The following MAF variants were observed in gnomAD, a reference collection of about 807,000 sequenced individuals.
The protein encoded by MAF is transcription factor Maf.
Under a neutral mutation model 22.0 loss-of-function variants are expected in MAF, and 10 were observed. That is an observed-to-expected ratio of 0.45 (90% confidence interval 0.28 to 0.77). The LOEUF (loss-of-function observed/expected upper bound fraction) is 0.77. Ranked by LOEUF, MAF falls within the 30% of genes least tolerant of loss-of-function variation. The pLI, the probability that MAF is intolerant of heterozygous loss-of-function variation, is 0.12. For missense variants in MAF, 544 were observed against 548.4 expected (o/e 0.99, Z 0.08); for synonymous variants, 337 against 255.8 (o/e 1.32, Z -3.03).
the MAF span, among the ~76,000 whole-genome samples, chr16:79,230,465 G>C: frequency 6.6e-6 from 1 of 152,164 alleles, no homozygotes; most frequent in Non-Finnish European, 1.5e-5. Flanking sequence ...CGGGTGGGCG[G>C]TCTTGAGCAA....
chr16:79,291,622 C>A, the MAF span, among the ~76,000 whole-genome samples: 9,378 of 151,354 alleles, frequency 0.062, 958 homozygotes, highest in African/African-American at 0.22. Context: ...CTGACCTATG[C>A]AGGGAGAAAC....
the MAF span, among the ~76,000 whole-genome samples, chr16:79,338,040 G>C: frequency 6.6e-6 from 1 of 152,174 alleles, no homozygotes; most frequent in Non-Finnish European, 1.5e-5. Flanking sequence ...AATAGGACGA[G>C]TCCCTGTCTT....
chr16:79,353,082 C>CA, the MAF span, among the ~76,000 whole-genome samples: 9,409 of 145,208 alleles, frequency 0.065, 511 homozygotes, highest in East Asian at 0.2. Flanking sequence ...CAAAATCATA[C>CA]AAAAAAAAAT....
chr16:79,483,992 G>C, the MAF span, among the ~76,000 whole-genome samples: 968 of 152,278 alleles, frequency 6.4e-3, 8 homozygotes, highest in Non-Finnish European at 0.01. Flanking sequence ...GATGGAAAAA[G>C]TGTGTTAGAT....
the MAF span, among the ~76,000 whole-genome samples, chr16:79,484,445 G>A: frequency 2.6e-5 from 4 of 152,284 alleles, no homozygotes; most frequent in African/African-American, 4.8e-5. Context: ...AGCCTTTCTG[G>A]CCACAGACAC....
chr16:79,520,545 C>T, the MAF span, among the ~76,000 whole-genome samples: 1 of 152,096 alleles, frequency 6.6e-6, no homozygotes, highest in South Asian at 2.1e-4. Context: ...ATAAGTAGTA[C>T]ATAAATAAAT....
At chr16:79,563,226 G>C in the MAF span, among the ~76,000 whole-genome samples, 1 of 152,192 alleles carries the variant, frequency 6.6e-6, no homozygotes, top group African/African-American at 2.4e-5. Context: ...AAGTAACTCT[G>C]AAAACTCTAG....
At chr16:79,498,330 G>A in the MAF span, among the ~76,000 whole-genome samples, 1 of 152,158 alleles carries the variant, frequency 6.6e-6, no homozygotes, top group African/African-American at 2.4e-5. Context: ...GAGTGGGTAT[G>A]GCTGGTTCCA....
chr16:79,358,846 G>A, the MAF span, among the ~76,000 whole-genome samples: 1 of 152,194 alleles, frequency 6.6e-6, no homozygotes, highest in Non-Finnish European at 1.5e-5. Context: ...TGAGATTGAG[G>A]TAGGCCAACA....
chr16:79,392,465 T>G, the MAF span, among the ~76,000 whole-genome samples: 86 of 110,250 alleles, frequency 7.8e-4, no homozygotes, highest in Middle Eastern at 6.4e-3. Context: ...GGGAAGGGAG[T>G]GATGAGAGAA....
intron 1 of MAF, chr16:79,598,581 G>GGTGTGCGT: frequency 2.1e-6 from 3 of 1,409,632 alleles, no homozygotes; most frequent in Non-Finnish European, 2.8e-6. Flanking sequence ...CAGGGTGTGG[G>GGTGTGCGT]GTGTGTGTGT....
the MAF span, among the ~76,000 whole-genome samples, chr16:79,344,816 G>C: frequency 2.0e-5 from 3 of 152,266 alleles, no homozygotes; most frequent in South Asian, 6.2e-4. Flanking sequence ...GCTAAAGGTA[G>C]AAATCATTGT....
At chr16:79,260,483 A>ATCTATATC in the MAF span, among the ~76,000 whole-genome samples, 1 of 150,230 alleles carries the variant, frequency 6.7e-6, no homozygotes, top group East Asian at 1.9e-4. Context: ...CTATATCTAT[A>ATCTATATC]TCTATATCTA....
chr16:79,308,639 A>G, the MAF span, among the ~76,000 whole-genome samples: 2 of 152,222 alleles, frequency 1.3e-5, no homozygotes, highest in Non-Finnish European at 2.9e-5. Context: ...TTGAAGCCCT[A>G]TTAACAGTTG....
the MAF span, among the ~76,000 whole-genome samples, chr16:79,508,302 T>C: frequency 1.2e-4 from 18 of 152,272 alleles, 1 homozygote; most frequent in East Asian, 5.8e-4. Flanking sequence ...ACTTGGCCAA[T>C]GGGGAGTGTT....
the MAF span, among the ~76,000 whole-genome samples, chr16:79,560,970 C>G: frequency 2.0e-5 from 3 of 152,228 alleles, no homozygotes; most frequent in Non-Finnish European, 4.4e-5. Context: ...TCTACCCATC[C>G]TTGCCTAGGG....
At chr16:79,479,889 G>A in the MAF span, among the ~76,000 whole-genome samples, 1 of 152,150 alleles carries the variant, frequency 6.6e-6, no homozygotes, top group African/African-American at 2.4e-5. Flanking sequence ...GACAGGGCTG[G>A]GATTTGAACC....
At chr16:79,566,417 T>A in the MAF span, among the ~76,000 whole-genome samples, 1 of 152,216 alleles carries the variant, frequency 6.6e-6, no homozygotes, top group Non-Finnish European at 1.5e-5. Context: ...CAGTCCTCCC[T>A]GTTGATGGCC....
chr16:79,365,756 A>G, the MAF span, among the ~76,000 whole-genome samples: 1 of 152,142 alleles, frequency 6.6e-6, no homozygotes, highest in Non-Finnish European at 1.5e-5. Context: ...GAGGCCAAAT[A>G]TCTCATGGGG....
Sources: allele counts gnomAD v4.1 joint callset (sites outside exome capture counted in the v4.1 genomes callset), GRCh38; gene constraint gnomAD v4.1.1; transcripts MANE v1.5; gene names NCBI Gene and HGNC (gene_info 2026-07-23, HGNC 2026-07-21).